Variants in MYCL observed in about 807,000 individuals in gnomAD.
The protein encoded by MYCL is MYCL proto-oncogene, bHLH transcription factor.
In MYCL, 11 loss-of-function variants were observed where a neutral mutation model predicts 31.0. That is an observed-to-expected ratio of 0.35 (90% confidence interval 0.22 to 0.59). The LOEUF is 0.59. Ranked by LOEUF, MYCL falls within the 20% of genes least tolerant of loss-of-function variation. MYCL has a pLI of 0.79. For missense variants in MYCL, 427 were observed against 486.1 expected (o/e 0.88, Z 1.14); for synonymous variants, 208 against 202.4 (o/e 1.03, Z -0.23).
chr1:39,901,483 C>G lies in MYCL; in HGVS notation c.-49G>C, dbSNP rs2124721138. 1 of 1,588,964 alleles carries G rather than the reference C, an allele frequency of 6.3e-7. No homozygotes were observed. The highest frequency in any genetic ancestry group is 1.1e-5 in the South Asian group (1 of 88,752). ...GGGGGACGTGCTGACCGGGTGCCGG[C>G]CGGGCGAAGGAGGTGTCCCCGGGTC... is the stretch of plus-strand genomic sequence containing the variant. On this transcript the variant is annotated 5_prime_UTR_variant, in exon 1 of 2. Coordinates refer to ENST00000372816, the MANE Select transcript of MYCL (RefSeq NM_001033081.3). The surrounding 1 kb of genome is among the most constrained non-coding windows in gnomAD (Gnocchi z 6.9).
In MYCL at chr1:39,895,588, C is replaced by G. The variant is rs759526710; in HGVS notation, c.*1784G>C. ...TGCCCCAAGAGTTTTTTTCCTTGTA[C>G]AAAAACAGTTAACACCACTTTGCAA... On this transcript the variant is annotated 3_prime_UTR_variant, in exon 2 of 2. Transcript: ENST00000372816. 4.7e-6 allele frequency: 1 copy of G among 212,106 alleles called. No homozygotes were observed. The highest frequency in any genetic ancestry group is 9.5e-6 in the Non-Finnish European group (1 of 105,204). The allele number at this position is 212,106 out of a possible 1,614,324, so 13.1% of individuals were successfully genotyped here. A position where few individuals can be genotyped will look rare whatever the true frequency, so the allele number is the denominator to read the frequency against.
In MYCL at chr1:39,901,875, G is replaced by A. The variant is rs2124722122; in HGVS notation, c.-441C>T. 2 of 1,186,942 alleles carry A rather than the reference G, an allele frequency of 1.7e-6. No homozygotes were observed. The highest frequency in any genetic ancestry group is 6.0e-5 in the South Asian group (2 of 33,104). The allele number at this position is 1,186,942 out of a possible 1,614,324, so 73.5% of individuals were successfully genotyped here. On this transcript the variant is annotated 5_prime_UTR_variant, in exon 1 of 2. Coordinates refer to ENST00000372816, the MANE Select transcript of MYCL (RefSeq NM_001033081.3). This position sits in a 1 kb window ranked among gnomAD's most constrained non-coding sequence, Gnocchi z 6.9. ...CCGGCTCGGGGCAGCCCGGCAGCCAGCACACACGCACATGCGCGCCGCCGA... is the reference window on the plus strand; with the variant it reads ...CCGGCTCGGGGCAGCCCGGCAGCCAACACACACGCACATGCGCGCCGCCGA...
intron 1 of MYCL, chr1:39,898,802 G>C: frequency 2.0e-6 from 2 of 985,464 alleles, no homozygotes; most frequent in Non-Finnish European, 2.4e-6. Flanking sequence ...CATAACACCA[G>C]AGACCTGGAG....
At chr1:39,898,846 G>A (rs1405957331) in intron 1 of MYCL, 1 of 985,328 alleles carries the variant, frequency 1.0e-6, no homozygotes, top group East Asian at 1.1e-4. Flanking sequence ...TCACTGGCTT[G>A]AAGGTCTCTT....
rs1262458285 is a variant in MYCL at position 39,901,275 on chromosome 1, G to A, written c.160C>T (p.Pro54Ser). The change falls in exon 1 of 2, where the codon CCG becomes TCG. Residue 54 changes from proline to serine, a missense_variant. Transcript: ENST00000372816. This position sits in a 1 kb window ranked among gnomAD's most constrained non-coding sequence, Gnocchi z 6.9. Reference sequence around the variant, plus strand: ...TCCGGGGGACCAATCCCGGGGGCCGGGTCCCCTGCGCCGGGACCCAAGCCC... The same window carrying A: ...TCCGGGGGACCAATCCCGGGGGCCGAGTCCCCTGCGCCGGGACCCAAGCCC... Reference protein sequence around the residue: ...PWGLGPGAGDPAPGIGPPEPW... With the variant: ...PWGLGPGAGDSAPGIGPPEPW... 2 of 1,600,376 alleles carry A rather than the reference G, an allele frequency of 1.2e-6. No individual in the cohort carries two copies. The highest frequency in any genetic ancestry group is 2.7e-5 in the African/African-American group (2 of 74,730).
chr1:39,900,544 T>G (rs1644525601), intron 1 of MYCL: 1 of 1,158,842 alleles, frequency 8.6e-7, no homozygotes, highest in East Asian at 4.0e-5. Context: ...CTCGGCTTCT[T>G]CTCCCCCTAG....
chr1:39,901,573 C>T lies in MYCL; in HGVS notation c.-139G>A, dbSNP rs1449165204. 2.8e-6 allele frequency: 4 copies of T among 1,443,156 alleles called. No homozygotes were observed. The African/African-American group carries it at 4.3e-5, about 16-fold the overall frequency. 89.4% of individuals were successfully genotyped at this position (1,443,156 alleles called of 1,614,324 possible). A position where few individuals can be genotyped will look rare whatever the true frequency, so the allele number is the denominator to read the frequency against. ...ACCCCACCAGCTTGCAGCCTGCGCC[C>T]AGTCCTCGCGTCCCGGGAAGCCGGG... On this transcript the variant is annotated 5_prime_UTR_variant, in exon 1 of 2. Transcript: ENST00000372816. This position sits in a 1 kb window ranked among gnomAD's most constrained non-coding sequence, Gnocchi z 6.9.
In MYCL at chr1:39,897,142, C is replaced by T. The variant is rs368946074; in HGVS notation, c.*230G>A. On this transcript the variant is annotated 3_prime_UTR_variant, in exon 2 of 2. Coordinates refer to ENST00000372816, the MANE Select transcript of MYCL (RefSeq NM_001033081.3). The surrounding 1 kb of genome is among the most constrained non-coding windows in gnomAD (Gnocchi z 4.3). Reference sequence around the variant, plus strand: ...CAGCTGCCTGCTGGGAAGCCAAAGGCGCCAGAGAACATACAGCACTCCCAT... The same window carrying T: ...CAGCTGCCTGCTGGGAAGCCAAAGGTGCCAGAGAACATACAGCACTCCCAT... The T allele has an allele frequency of 9.5e-6, 5 of 527,626 alleles. No homozygotes were observed. The highest frequency in any genetic ancestry group is 3.8e-5 in the African/African-American group (2 of 53,142). The allele number at this position is 527,626 out of a possible 1,614,324, so 32.7% of individuals were successfully genotyped here. A position where few individuals can be genotyped will look rare whatever the true frequency, so the allele number is the denominator to read the frequency against.
chr1:39,898,865 C>A (rs776688593), intron 1 of MYCL: 13 of 985,482 alleles, frequency 1.3e-5, no homozygotes, highest in Non-Finnish European at 1.6e-5. Flanking sequence ...TTAGGTTAAC[C>A]TAACCAGGAG....
At chr1:39,899,868 G>A in intron 1 of MYCL, 2 of 985,328 alleles carry the variant, frequency 2.0e-6, no homozygotes, top group Non-Finnish European at 2.4e-6. Flanking sequence ...AGCTTTCTTG[G>A]TCCTAATTTA....
At chr1:39,900,445 A>C in intron 1 of MYCL, 2 of 999,092 alleles carry the variant, frequency 2.0e-6, no homozygotes, top group Non-Finnish European at 2.4e-6. Flanking sequence ...GCACGAGAAG[A>C]GGGCATTTAT....
rs764815702 is a variant in MYCL at position 39,897,878 on chromosome 1, C to T, written c.589G>A (p.Asp197Asn). 1.2e-6 allele frequency: 2 copies of T among 1,614,126 alleles called. No individual in the cohort carries two copies. Among genetic ancestry groups the T allele is most frequent in the Non-Finnish European group, 1.7e-6 (2 of 1,180,030 alleles). ...VTITVRADPL[D>N]PCMKHFHISI... ...ATGTGGAAATGCTTCATGCAGGGAT[C>T]CAGGGGGTCTGCTCGCACCGTGATG... Residue 197 changes from aspartate to asparagine, a missense_variant, in exon 2 of 2, where the codon GAT becomes AAT. Coordinates refer to ENST00000372816, the MANE Select transcript of MYCL (RefSeq NM_001033081.3). The surrounding 1 kb of genome is among the most constrained non-coding windows in gnomAD (Gnocchi z 4.3).
chr1:39,901,858 G>GGGCAGCCC lies in MYCL; in HGVS notation c.-432_-425dup. The GGGCAGCCC allele has an allele frequency of 8.1e-7, 1 of 1,239,138 alleles. No individual in the cohort carries two copies. The highest frequency in any genetic ancestry group is 1.0e-6 in the Non-Finnish European group (1 of 982,968). The allele number at this position is 1,239,138 out of a possible 1,614,324, so 76.8% of individuals were successfully genotyped here. A position where few individuals can be genotyped will look rare whatever the true frequency, so the allele number is the denominator to read the frequency against. ...AGCGGACCGGCTCCCCGCCGGCTCG[G>GGGCAGCCC]GGCAGCCCGGCAGCCAGCACACACG... On this transcript the variant is annotated 5_prime_UTR_variant, in exon 1 of 2. The change creates a premature stop within an existing upstream ORF in the 5' untranslated region. Transcript: ENST00000372816. The surrounding 1 kb of genome is among the most constrained non-coding windows in gnomAD (Gnocchi z 6.9).
intron 1 of MYCL, chr1:39,899,982 G>A: frequency 1.0e-6 from 1 of 985,506 alleles, no homozygotes; most frequent in Non-Finnish European, 1.2e-6. Context: ...TAGTTTAGTG[G>A]CACAGGATGC....
Position 39,901,779 on chromosome 1 carries a change from G to A in MYCL, c.-345C>T, listed in dbSNP as rs867119822. 9.9e-5 allele frequency: 123 copies of A among 1,245,164 alleles called. No individual in the cohort carries two copies. The African/African-American group carries it at 1.8e-3, about 18-fold the overall frequency. The allele number at this position is 1,245,164 out of a possible 1,614,324, so 77.1% of individuals were successfully genotyped here. A position where few individuals can be genotyped will look rare whatever the true frequency, so the allele number is the denominator to read the frequency against. On this transcript the variant is annotated 5_prime_UTR_variant, in exon 1 of 2. Coordinates refer to ENST00000372816, the MANE Select transcript of MYCL (RefSeq NM_001033081.3). This position sits in a 1 kb window ranked among gnomAD's most constrained non-coding sequence, Gnocchi z 6.9. ...AGCCAGCCCGCACCGCGGGACCCGC[G>A]CCCGTGCCCTGGCCACCCGCAGCCT...
intron 1 of MYCL, chr1:39,900,207 G>A: frequency 1.0e-6 from 1 of 985,518 alleles, no homozygotes; most frequent in Non-Finnish European, 1.2e-6. Flanking sequence ...GCAAGGCAAG[G>A]TGTAGTGCTT....
Sources: allele counts gnomAD v4.1 joint callset, GRCh38; gene constraint gnomAD v4.1.1; non-coding constraint Gnocchi (gnomAD v3.1); transcripts MANE v1.5; gene names NCBI Gene and HGNC (gene_info 2026-07-23, HGNC 2026-07-21).